Variants in CSRNP3 observed in about 807,000 individuals in gnomAD.
CSRNP3 encodes cysteine and serine rich nuclear protein 3.
Under a neutral mutation model 48.0 loss-of-function variants are expected in CSRNP3, and 12 were observed. The observed-to-expected ratio is 0.25, with a 90% CI of 0.16 to 0.41. CSRNP3 has a LOEUF of 0.41. Ranked by LOEUF, CSRNP3 falls within the 10% of genes least tolerant of loss-of-function variation. The probability of loss-of-function intolerance (pLI) is 1.00; values close to 1 mark genes in which losing one functional copy is unlikely to be tolerated. For missense variants in CSRNP3, 580 were observed against 724.4 expected (o/e 0.80, Z 2.29); for synonymous variants, 263 against 269.7 (o/e 0.98, Z 0.24).
chr2:165,653,484 C>T (rs1686949480), intron 4 of CSRNP3, among the ~76,000 whole-genome samples: 1 of 152,114 alleles, frequency 6.6e-6, no homozygotes, highest in Admixed American at 6.6e-5. Context: ...GTCTTCAAGG[C>T]CTTAGAAAAT....
At chr2:165,592,692 C>T (rs1685738307) in intron 3 of CSRNP3, among the ~76,000 whole-genome samples, 1 of 152,072 alleles carries the variant, frequency 6.6e-6, no homozygotes, top group Non-Finnish European at 1.5e-5. Context: ...TGGAACTTCT[C>T]TCTTCTGCCA....
chr2:165,635,573 GT>G (rs1686613824), intron 4 of CSRNP3, among the ~76,000 whole-genome samples: 1 of 152,126 alleles, frequency 6.6e-6, no homozygotes, highest in African/African-American at 2.4e-5. Context: ...ATCATAGGAT[GT>G]TCATGCACAC....
intron 5 of CSRNP3, among the ~76,000 whole-genome samples, chr2:165,671,651 C>G (rs1409379949): frequency 6.6e-6 from 1 of 152,334 alleles, no homozygotes; most frequent in South Asian, 2.1e-4. Context: ...GTGAAGGTCT[C>G]CAACATGCCC....
chr2:165,530,904 A>G (rs1022815134), intron 3 of CSRNP3, among the ~76,000 whole-genome samples: 4 of 152,116 alleles, frequency 2.6e-5, no homozygotes, highest in Non-Finnish European at 1.5e-5. Context: ...GAGATTTCTC[A>G]TTAAGAAAAA....
At chr2:165,553,809 T>G (rs1185654751) in intron 3 of CSRNP3, among the ~76,000 whole-genome samples, 5 of 152,180 alleles carry the variant, frequency 3.3e-5, no homozygotes. Flanking sequence ...GATGCCTCAC[T>G]GTCCTACATC....
chr2:165,524,195 T>C lies in CSRNP3; in HGVS notation c.-24+6234T>C, dbSNP rs1285067166. ...AACCCAGGTACACATAATTAGTGTC[T>C]GATAAAAGAGACAATTCAAATAGCA... On this transcript the variant is annotated intron_variant, in intron 3 of 6. Coordinates refer to ENST00000651982, the MANE Select transcript of CSRNP3 (RefSeq NM_001172173.2). Among the ~76,000 whole-genome samples, 3 of 152,252 alleles carry C rather than the reference T, an allele frequency of 2.0e-5. No individual in the cohort carries two copies. In the East Asian group the frequency reaches 5.8e-4, roughly 29 times the overall value.
intron 4 of CSRNP3, among the ~76,000 whole-genome samples, chr2:165,618,882 T>C (rs1007629532): frequency 6.6e-6 from 1 of 152,240 alleles, no homozygotes; most frequent in Non-Finnish European, 1.5e-5. Flanking sequence ...ATTATCCTTA[T>C]GAAGGTTTTA....
chr2:165,565,414 A>G (rs1685284346), intron 3 of CSRNP3, among the ~76,000 whole-genome samples: 1 of 152,116 alleles, frequency 6.6e-6, no homozygotes, highest in South Asian at 2.1e-4. Flanking sequence ...CTTTAGCAAG[A>G]CCATGAGAAT....
chr2:165,643,517 C>T (rs1328192258), intron 4 of CSRNP3, among the ~76,000 whole-genome samples: 3 of 152,152 alleles, frequency 2.0e-5, no homozygotes, highest in African/African-American at 7.2e-5. Context: ...AAACATGATG[C>T]TCTTGCTGCT....
intron 3 of CSRNP3, among the ~76,000 whole-genome samples, chr2:165,531,985 T>A (rs1684818805): frequency 6.6e-6 from 1 of 152,084 alleles, no homozygotes; most frequent in Non-Finnish European, 1.5e-5. Context: ...CCTCGACACA[T>A]ACATCCTCCC....
At chr2:165,652,329 G>A (rs539553865) in intron 4 of CSRNP3, among the ~76,000 whole-genome samples, 258 of 151,702 alleles carry the variant, frequency 1.7e-3, no homozygotes, top group Middle Eastern at 3.4e-3. Context: ...GGCCAACAAG[G>A]TGAAACCCCC....
chr2:165,602,193 G>C (rs1217271020), intron 4 of CSRNP3, among the ~76,000 whole-genome samples: 1 of 152,092 alleles, frequency 6.6e-6, no homozygotes, highest in East Asian at 1.9e-4. Flanking sequence ...GCAGGAGGTA[G>C]GACATCATGA....
chr2:165,492,993 T>C (rs183638865), intron 1 of CSRNP3, among the ~76,000 whole-genome samples: 6 of 147,952 alleles, frequency 4.1e-5, no homozygotes, highest in Non-Finnish European at 8.9e-5. Context: ...CAGAATATGA[T>C]GATACGATAA....
intron 5 of CSRNP3, among the ~76,000 whole-genome samples, chr2:165,668,611 A>G (rs967205003): frequency 1.3e-5 from 2 of 152,008 alleles, no homozygotes; most frequent in East Asian, 3.9e-4. Context: ...CATGTTGGCC[A>G]GTCTGGTCTT....
At chr2:165,576,639 T>G (rs866736904) in intron 3 of CSRNP3, among the ~76,000 whole-genome samples, 1 of 152,048 alleles carries the variant, frequency 6.6e-6, no homozygotes, top group South Asian at 2.1e-4. Flanking sequence ...TATGTCTCTA[T>G]GCAGATTCAC....
intron 4 of CSRNP3, among the ~76,000 whole-genome samples, chr2:165,642,981 AG>A (rs1686749334): frequency 6.6e-6 from 1 of 152,244 alleles, no homozygotes; most frequent in South Asian, 2.1e-4. Flanking sequence ...AAAGAGAGAA[AG>A]AAAGAGAGAT....
chr2:165,645,967 A>T (rs1686805332), intron 4 of CSRNP3, among the ~76,000 whole-genome samples: 1 of 151,072 alleles, frequency 6.6e-6, no homozygotes, highest in Non-Finnish European at 1.5e-5. Context: ...CTAGTCTCGA[A>T]CTCCTGAACT....
chr2:165,588,122 G>T (rs987328712), intron 3 of CSRNP3, among the ~76,000 whole-genome samples: 4 of 151,954 alleles, frequency 2.6e-5, no homozygotes, highest in African/African-American at 4.8e-5. Context: ...TTTAGAAGGT[G>T]GTAAATGCTA....
intron 3 of CSRNP3, among the ~76,000 whole-genome samples, chr2:165,540,087 T>C (rs1684934025): frequency 6.6e-6 from 1 of 152,098 alleles, no homozygotes; most frequent in South Asian, 2.1e-4. Flanking sequence ...CCCAAACCTC[T>C]AACCTATTAC....
Sources: gnomAD v4.1 joint callset for allele counts (sites outside exome capture counted in the v4.1 genomes callset) on GRCh38, gnomAD v4.1.1 for gene constraint, MANE v1.5 for transcripts, NCBI Gene and HGNC (gene_info 2026-07-23, HGNC 2026-07-21) for gene names.